HTR7: variants seen among roughly 807,000 people sequenced by gnomAD.
The protein encoded by HTR7 is 5-HT-7.
In HTR7, 16 loss-of-function variants were observed where a neutral mutation model predicts 34.0. That is an observed-to-expected ratio of 0.47 (90% confidence interval 0.32 to 0.71). HTR7 has a LOEUF of 0.71. Among genes scored for constraint, HTR7 ranks in the 30% least tolerant of loss-of-function variants. The probability of loss-of-function intolerance (pLI) is 0.04; values close to 1 mark genes in which losing one functional copy is unlikely to be tolerated. For missense variants in HTR7, 504 were observed against 625.5 expected (o/e 0.81, Z 2.07); for synonymous variants, 265 against 260.2 (o/e 1.02, Z -0.18).
chr10:90,760,086 A>G (rs911372912), intron 1 of HTR7, among the ~76,000 whole-genome samples: 1 of 152,240 alleles, frequency 6.6e-6, no homozygotes, highest in East Asian at 1.9e-4. Flanking sequence ...ACTATTCACA[A>G]TAGCCAAGAT....
chr10:90,750,104 TCA>T (rs1301496746), intron 1 of HTR7, among the ~76,000 whole-genome samples: 1 of 152,188 alleles, frequency 6.6e-6, no homozygotes, highest in Non-Finnish European at 1.5e-5. Flanking sequence ...TTCTTTAAGA[TCA>T]CACAGATTCG....
chr10:90,857,954 G>C lies in HTR7; in HGVS notation c.-283C>G, dbSNP rs1174817296. On this transcript the variant is annotated 5_prime_UTR_variant, in exon 1 of 4. Coordinates refer to ENST00000336152, the MANE Select transcript of HTR7 (RefSeq NM_019859.4). This position sits in a 1 kb window ranked among gnomAD's most constrained non-coding sequence, Gnocchi z 6.5. ...CGCGGAGTCGAGGGAGCTCGGGCTG[G>C]GCTCCGCTGGCAGCTCCACAGTTCG... is the stretch of plus-strand genomic sequence containing the variant. Among the ~76,000 whole-genome samples the C allele has an allele frequency of 1.3e-5, 2 of 151,210 alleles. No individual in the cohort carries two copies. The highest frequency in any genetic ancestry group is 4.8e-5 in the African/African-American group (2 of 41,344).
chr10:90,751,338 A>T (rs1171031251), intron 1 of HTR7, among the ~76,000 whole-genome samples: 2 of 152,166 alleles, frequency 1.3e-5, no homozygotes, highest in Non-Finnish European at 2.9e-5. Flanking sequence ...GGGAGGGAAA[A>T]GAAAAATCTA....
chr10:90,758,344 C>A (rs1458944318), intron 1 of HTR7, among the ~76,000 whole-genome samples: 39 of 51,904 alleles, frequency 7.5e-4, no homozygotes, highest in South Asian at 2.1e-3. Context: ...GGCTCTGTCT[C>A]AAAAAAAAAA....
intron 1 of HTR7, among the ~76,000 whole-genome samples, chr10:90,799,268 T>C (rs970891506): frequency 6.6e-6 from 1 of 152,078 alleles, no homozygotes; most frequent in Non-Finnish European, 1.5e-5. Context: ...CCTTAAAAAC[T>C]CTGATCCCTG....
At chr10:90,821,905 T>C (rs111392054) in intron 1 of HTR7, among the ~76,000 whole-genome samples, 2 of 4,002 alleles carry the variant, frequency 5.0e-4, no homozygotes, top group African/African-American at 0.04. Flanking sequence ...ATTCCCTTTA[T>C]TTCTGCCATG....
At position 90,748,900 on chromosome 10, in the gene HTR7, C is replaced by G; in HGVS notation, c.1234G>C (p.Ala412Pro). 6.2e-7 allele frequency: 1 copy of G among 1,614,186 alleles called. No homozygotes were observed. Among genetic ancestry groups the G allele is most frequent in the Admixed American group, 1.7e-5 (1 of 60,018 alleles). The stretch of plus-strand genomic sequence containing the variant: ...TTCAGGGCTTCATGCATGCCTGCAG[C>G]TGAGAGCTTCCGGTTGATATTCCGG... ...QYRNINRKLSAAGMHEALKLA... is the reference protein window; with the variant it reads ...QYRNINRKLSPAGMHEALKLA... The change falls in exon 2 of 4, where the codon GCT becomes CCT. Residue 412 changes from alanine to proline, a missense_variant. This residue lies in a region of HTR7 where 154 missense variants were observed against 212.1 expected (regional missense o/e 0.73). Coordinates refer to ENST00000336152, the MANE Select transcript of HTR7 (RefSeq NM_019859.4).
intron 1 of HTR7, among the ~76,000 whole-genome samples, chr10:90,851,276 A>T (rs1176285233): frequency 1.3e-5 from 2 of 152,162 alleles, no homozygotes; most frequent in Non-Finnish European, 2.9e-5. Flanking sequence ...AAAAACTAGA[A>T]ATATAAAATT....
chr10:90,796,990 C>G (rs1217866085), intron 1 of HTR7, among the ~76,000 whole-genome samples: 2 of 148,744 alleles, frequency 1.3e-5, no homozygotes, highest in Non-Finnish European at 3.0e-5. Flanking sequence ...CCAGCCTGGG[C>G]GACAAAGCAA....
Position 90,857,838 on chromosome 10 carries a change from G to A in HTR7, c.-167C>T, listed in dbSNP as rs1332405162. The A allele has an allele frequency of 8.4e-6, 5 of 598,260 alleles. No homozygotes were observed. The highest frequency in any genetic ancestry group is 9.6e-6 in the Non-Finnish European group (4 of 415,054). The allele number at this position is 598,260 out of a possible 1,614,324, so 37.1% of individuals were successfully genotyped here. On this transcript the variant is annotated 5_prime_UTR_variant, in exon 1 of 4. Coordinates refer to ENST00000336152, the MANE Select transcript of HTR7 (RefSeq NM_019859.4). The surrounding 1 kb of genome is among the most constrained non-coding windows in gnomAD (Gnocchi z 6.5). The stretch of plus-strand genomic sequence containing the variant: ...TCTGTCTCGGAGCCCCGCACTCCCC[G>A]GACCCCCGGCCGCTGCGGGTAACGC...
intron 1 of HTR7, among the ~76,000 whole-genome samples, chr10:90,834,396 G>A (rs1846223893): frequency 6.6e-6 from 1 of 152,126 alleles, no homozygotes; most frequent in East Asian, 1.9e-4. Context: ...GGGGGTGGGG[G>A]AAATCACTAA....
chr10:90,792,350 T>C (rs1009239650), intron 1 of HTR7, among the ~76,000 whole-genome samples: 3 of 152,082 alleles, frequency 2.0e-5, no homozygotes, highest in Non-Finnish European at 4.4e-5. Context: ...GTTTTCATTG[T>C]TTTGTTGGGG....
chr10:90,797,737 A>G (rs1471511935), intron 1 of HTR7, among the ~76,000 whole-genome samples: 1 of 152,266 alleles, frequency 6.6e-6, no homozygotes, highest in Admixed American at 6.5e-5. Flanking sequence ...CAGGGTAGAT[A>G]ACTGTTTAAT....
intron 1 of HTR7, among the ~76,000 whole-genome samples, chr10:90,785,095 A>G (rs895748000): frequency 3.5e-4 from 54 of 152,356 alleles, no homozygotes; most frequent in Non-Finnish European, 6.6e-4. Flanking sequence ...GCAGGAGGCT[A>G]TAAGTGACCT....
chr10:90,816,232 C>T (rs1319650834), intron 1 of HTR7, among the ~76,000 whole-genome samples: 1 of 152,188 alleles, frequency 6.6e-6, no homozygotes, highest in Non-Finnish European at 1.5e-5. Context: ...GATGAAAGGA[C>T]AATGTCCTGC....
chr10:90,814,170 G>A (rs1006403862), intron 1 of HTR7, among the ~76,000 whole-genome samples: 1 of 152,176 alleles, frequency 6.6e-6, no homozygotes, highest in Non-Finnish European at 1.5e-5. Flanking sequence ...CTAGTGGACT[G>A]GATAAAAGCC....
At chr10:90,811,659 A>G (rs1413466879) in intron 1 of HTR7, among the ~76,000 whole-genome samples, 1 of 152,084 alleles carries the variant, frequency 6.6e-6, no homozygotes, top group Non-Finnish European at 1.5e-5. Flanking sequence ...ACTACTCCTC[A>G]GGGATTATTC....
intron 1 of HTR7, among the ~76,000 whole-genome samples, chr10:90,758,420 G>A (rs1479378181): frequency 1.3e-5 from 2 of 151,540 alleles, no homozygotes. Flanking sequence ...AAGTAAAAAG[G>A]CTTGAGGTAA....
chr10:90,794,821 A>C (rs982050843), intron 1 of HTR7, among the ~76,000 whole-genome samples: 11 of 152,208 alleles, frequency 7.2e-5, no homozygotes, highest in African/African-American at 2.7e-4. Context: ...TGTATGTGTT[A>C]TACTTTTACA....
Sources: gnomAD v4.1 joint callset for allele counts (sites outside exome capture counted in the v4.1 genomes callset) on GRCh38, gnomAD v4.1.1 for gene constraint, gnomAD v4.1.1 regional missense constraint, Gnocchi (gnomAD v3.1) non-coding constraint, MANE v1.5 for transcripts, NCBI Gene and HGNC (gene_info 2026-07-23, HGNC 2026-07-21) for gene names.